RAB3GAP1: variants seen among roughly 807,000 people sequenced by gnomAD.
RAB3GAP1 encodes RAB3 GTPase activating protein catalytic subunit 1, also known as rab3 GTPase-activating protein catalytic subunit.
RAB3GAP1 carries 86 observed loss-of-function variants against 130.7 expected under a neutral mutation model. The observed-to-expected ratio is 0.66, with a 90% CI of 0.55 to 0.79. RAB3GAP1 has a LOEUF of 0.79. RAB3GAP1 is among the 30% of genes least tolerant of loss of function. RAB3GAP1 has a pLI of 0.00. For missense variants in RAB3GAP1, 1,029 were observed against 1,169.4 expected (o/e 0.88, Z 1.75); for synonymous variants, 367 against 401.7 (o/e 0.91, Z 1.03).
intron 3 of RAB3GAP1, among the ~76,000 whole-genome samples, chr2:135,064,986 G>A (rs10180803): frequency 0.025 from 3,753 of 150,822 alleles, 135 homozygotes; most frequent in African/African-American, 0.085. Flanking sequence ...TTTCAGTGAT[G>A]GCAGCAGCTG....
intron 19 of RAB3GAP1, among the ~76,000 whole-genome samples, chr2:135,157,172 C>T (rs1312734482): frequency 6.6e-6 from 1 of 152,108 alleles, no homozygotes; most frequent in Non-Finnish European, 1.5e-5. Flanking sequence ...CACCATGATG[C>T]CCAACTAATT....
chr2:135,165,242 TA>T, intron 23 of RAB3GAP1: 2 of 439,554 alleles, frequency 4.6e-6, no homozygotes, highest in South Asian at 1.6e-5. Flanking sequence ...AAAATTATCA[TA>T]ACCATTACCT....
chr2:135,123,942 A>C, intron 8 of RAB3GAP1: 1 of 530,186 alleles, frequency 1.9e-6, no homozygotes, highest in Non-Finnish European at 3.4e-6. Flanking sequence ...GCCTGAATGA[A>C]ATACTGGATA....
chr2:135,171,859 G>GT (rs1692864238), downstream of RAB3GAP1, among the ~76,000 whole-genome samples: 1 of 152,200 alleles, frequency 6.6e-6, no homozygotes, highest in Non-Finnish European at 1.5e-5. Flanking sequence ...AGAGACTGAA[G>GT]TGAGGAAGCA....
intron 5 of RAB3GAP1, among the ~76,000 whole-genome samples, chr2:135,106,701 A>G (rs1418346129): frequency 1.3e-5 from 2 of 151,286 alleles, no homozygotes; most frequent in Non-Finnish European, 2.9e-5. Flanking sequence ...CTATTGTCCT[A>G]TGACCCTGCC....
chr2:135,061,003 C>CTTTTTT, intron 3 of RAB3GAP1, among the ~76,000 whole-genome samples: 1 of 131,108 alleles, frequency 7.6e-6, no homozygotes, highest in South Asian at 2.4e-4. Flanking sequence ...TGGGCCCAGC[C>CTTTTTT]TTTTTTTTTT....
intron 3 of RAB3GAP1, among the ~76,000 whole-genome samples, chr2:135,079,514 A>G (rs1006740989): frequency 1.3e-5 from 2 of 152,164 alleles, no homozygotes; most frequent in African/African-American, 4.8e-5. Flanking sequence ...TCAGGTCTCT[A>G]ATTTCTCCAC....
chr2:135,067,466 G>A (rs753115177), intron 3 of RAB3GAP1, among the ~76,000 whole-genome samples: 6 of 152,162 alleles, frequency 3.9e-5, no homozygotes, highest in Admixed American at 6.5e-5. Context: ...AAAAAAAATA[G>A]GTGTTTTGTT....
intron 3 of RAB3GAP1, among the ~76,000 whole-genome samples, chr2:135,063,270 T>C: frequency 6.6e-6 from 1 of 152,328 alleles, no homozygotes. Context: ...ATATAGTTTT[T>C]CTTTTTTATT....
chr2:135,135,527 C>T (rs761297819), intron 16 of RAB3GAP1, 37 bp from the exon 17 acceptor site: 1 of 1,537,626 alleles, frequency 6.5e-7, no homozygotes, highest in Non-Finnish European at 8.8e-7. Context: ...TTTTCTGTAA[C>T]TAATTCAACT....
chr2:135,172,615 C>T (rs1235558997), downstream of RAB3GAP1, among the ~76,000 whole-genome samples: 3 of 152,090 alleles, frequency 2.0e-5, no homozygotes, highest in African/African-American at 4.8e-5. Context: ...GCAGAATTTA[C>T]AAATGGATTC....
At chr2:135,052,512 A>G (rs1360189448) in intron 2 of RAB3GAP1, 27 bp downstream of exon 2, 3 of 1,612,450 alleles carry the variant, frequency 1.9e-6, no homozygotes, top group East Asian at 4.5e-5. Context: ...TTTGGTTACC[A>G]GCTCCCATGG....
At chr2:135,108,397 G>C (rs1471698009) in intron 5 of RAB3GAP1, among the ~76,000 whole-genome samples, 1 of 152,048 alleles carries the variant, frequency 6.6e-6, no homozygotes, top group Non-Finnish European at 1.5e-5. Flanking sequence ...GTATGTAGTG[G>C]TCTCTCACTG....
rs892486032 is a variant in RAB3GAP1 at position 135,169,166 on chromosome 2, T to C, written c.*385T>C. 3.3e-6 allele frequency: 1 copy of C among 299,170 alleles called. No individual in the cohort carries two copies. The highest frequency in any genetic ancestry group is 6.5e-6 in the Non-Finnish European group (1 of 154,520). 18.5% of individuals were successfully genotyped at this position (299,170 alleles called of 1,614,324 possible). The stretch of plus-strand genomic sequence containing the variant: ...TCTGTGCAAACACTTCGTGGTTCTA[T>C]ATATCAGCAGCAAGTGTGCAAAATA... On this transcript the variant is annotated 3_prime_UTR_variant, in exon 24 of 24. Coordinates refer to ENST00000264158, the MANE Select transcript of RAB3GAP1 (RefSeq NM_012233.3).
intron 19 of RAB3GAP1, 36 bp from the exon 20 acceptor site, chr2:135,162,519 T>G (rs1692492763): frequency 6.6e-7 from 1 of 1,522,990 alleles, no homozygotes; most frequent in Non-Finnish European, 9.1e-7. Context: ...CTTTGACACC[T>G]GCGCTGATCA....
intron 11 of RAB3GAP1, 51 bp from the exon 12 acceptor site, chr2:135,129,944 A>ATT (rs112212040): frequency 1.9e-4 from 179 of 936,458 alleles, no homozygotes; most frequent in East Asian, 5.5e-4. Flanking sequence ...TATAGGACTG[A>ATT]TTTTTTTTTT....
Position 135,135,935 on chromosome 2 carries a change from A to AG in RAB3GAP1, c.1923+5dup. The AG allele has an allele frequency of 6.2e-7, 1 of 1,613,168 alleles. No homozygotes were observed. Among genetic ancestry groups the AG allele is most frequent in the Non-Finnish European group, 8.5e-7 (1 of 1,179,088 alleles). On this transcript the variant is annotated splice_donor_region_variant and intron_variant, in intron 17 of 23. Coordinates refer to ENST00000264158, the MANE Select transcript of RAB3GAP1 (RefSeq NM_012233.3). The stretch of plus-strand genomic sequence containing the variant: ...CTCTCTACATTCCAGTAACCCAGGT[A>AG]GGATGCACTAGTTCTTTCCATTTTA...
At chr2:135,098,668 A>G (rs1260360523) in intron 5 of RAB3GAP1, among the ~76,000 whole-genome samples, 1 of 152,190 alleles carries the variant, frequency 6.6e-6, no homozygotes, top group Non-Finnish European at 1.5e-5. Context: ...CCTAATCCCA[A>G]TATATCCATT....
chr2:135,074,015 A>G (rs993573704), intron 3 of RAB3GAP1, among the ~76,000 whole-genome samples: 1 of 152,190 alleles, frequency 6.6e-6, no homozygotes, highest in African/African-American at 2.4e-5. Context: ...ATTGGAAAGG[A>G]TCTCCTGGCA....
Sources: allele counts gnomAD v4.1 joint callset (sites outside exome capture counted in the v4.1 genomes callset), GRCh38; gene constraint gnomAD v4.1.1; transcripts MANE v1.5; gene names NCBI Gene and HGNC (gene_info 2026-07-23, HGNC 2026-07-21).